The following PPARGC1A variants were observed in gnomAD, a reference collection of about 807,000 sequenced individuals.
PPARGC1A encodes PPARG coactivator 1 alpha.
A neutral mutation model predicts 88.7 loss-of-function variants in PPARGC1A; 25 were observed. That is an observed-to-expected ratio of 0.28 (90% CI 0.21 to 0.39). PPARGC1A has a LOEUF of 0.39. Ranked by LOEUF, PPARGC1A falls within the 10% of genes least tolerant of loss-of-function variation. The probability of loss-of-function intolerance (pLI) is 1.00; values close to 1 mark genes in which losing one functional copy is unlikely to be tolerated. For missense variants in PPARGC1A, 880 were observed against 968.7 expected, an observed-to-expected ratio of 0.91 and a Z score of 1.22; for synonymous variants, 363 against 355.6, an observed-to-expected ratio of 1.02 and a Z score of -0.24.
At chr4:24,203,700 A>G in the PPARGC1A span, among the ~76,000 whole-genome samples, 76 of 152,272 alleles carry the variant, frequency 5.0e-4, no homozygotes, top group South Asian at 6.2e-4. Flanking sequence ...AGGGCGAGGC[A>G]ATGATGAACC....
intron 2 of PPARGC1A, among the ~76,000 whole-genome samples, chr4:23,835,861 C>T (rs932975473): frequency 3.3e-5 from 5 of 152,074 alleles, no homozygotes; most frequent in East Asian, 1.9e-4. Flanking sequence ...TCAAACACCC[C>T]GGAGAAGGCA....
the PPARGC1A span, among the ~76,000 whole-genome samples, chr4:24,110,435 T>G: frequency 6.6e-6 from 1 of 152,280 alleles, no homozygotes; most frequent in African/African-American, 2.4e-5. Context: ...AATTTAGTGC[T>G]GTGGGACTTA....
chr4:23,879,399 GAT>G (rs1233938302), intron 2 of PPARGC1A, among the ~76,000 whole-genome samples: 1 of 152,194 alleles, frequency 6.6e-6, no homozygotes, highest in Non-Finnish European at 1.5e-5. Context: ...GCAGTGGAAA[GAT>G]AGAGGGCCCC....
the PPARGC1A span, among the ~76,000 whole-genome samples, chr4:24,053,936 C>T: frequency 6.6e-6 from 1 of 152,206 alleles, no homozygotes; most frequent in Non-Finnish European, 1.5e-5. Flanking sequence ...AACCAAACCT[C>T]TGGATGGAAT....
chr4:24,201,910 T>G, the PPARGC1A span, among the ~76,000 whole-genome samples: 1 of 151,954 alleles, frequency 6.6e-6, no homozygotes, highest in African/African-American at 2.4e-5. Context: ...ATATCATTTT[T>G]TTTTTTTTTG....
rs553082376 is a variant in PPARGC1A, at chr4:23,819,933, T to C, written c.877+4347A>G. 4.6e-5 allele frequency among the ~76,000 whole-genome samples: 7 copies of C among 152,254 alleles called. No individual in the cohort carries two copies. In the South Asian group the frequency reaches 1.5e-3, roughly 32 times the overall value. On this transcript the variant is annotated intron_variant, in intron 7 of 12. Transcript: ENST00000264867. ...ACCCATATTTTACTTTGGTCCACTT[T>C]CCCAAAGATATGTCACATACACAAG... is the stretch of plus-strand genomic sequence containing the variant.
chr4:23,817,535 C>A (rs1722201476), intron 7 of PPARGC1A, among the ~76,000 whole-genome samples: 1 of 152,062 alleles, frequency 6.6e-6, no homozygotes, highest in African/African-American at 2.4e-5. Context: ...TCTGCATATA[C>A]ACTTAAAATT....
At chr4:24,117,825 C>T in the PPARGC1A span, among the ~76,000 whole-genome samples, 3 of 152,096 alleles carry the variant, frequency 2.0e-5, no homozygotes, top group South Asian at 6.2e-4. Context: ...CTCATGTCCA[C>T]AGCAGTTTCG....
chr4:24,447,833 C>G, the PPARGC1A span, among the ~76,000 whole-genome samples: 1 of 152,182 alleles, frequency 6.6e-6, no homozygotes, highest in African/African-American at 2.4e-5. Flanking sequence ...TCCCACAGAA[C>G]AACAGGAGGC....
intron 3 of PPARGC1A, 59 bp from the exon 4 acceptor site, chr4:23,829,644 G>A (rs1186387938): frequency 6.8e-7 from 1 of 1,480,982 alleles, no homozygotes; most frequent in East Asian, 2.3e-5. Context: ...TTTAAGCATT[G>A]GAATAAGTTA....
the PPARGC1A span, among the ~76,000 whole-genome samples, chr4:24,006,770 C>T: frequency 6.6e-6 from 1 of 151,966 alleles, no homozygotes; most frequent in Non-Finnish European, 1.5e-5. Flanking sequence ...GCTAGATGTG[C>T]CTCAATTCAC....
intron 2 of PPARGC1A, chr4:23,881,378 C>G (rs112929465): frequency 4.6e-5 from 7 of 152,292 alleles, no homozygotes; most frequent in African/African-American, 1.7e-4. Flanking sequence ...GTTACTCAAC[C>G]AACATGTGCT....
the PPARGC1A span, among the ~76,000 whole-genome samples, chr4:24,465,719 C>T: frequency 6.6e-6 from 1 of 152,182 alleles, no homozygotes; most frequent in African/African-American, 2.4e-5. Flanking sequence ...CCCTCCGCTT[C>T]CCACAACTGT....
the PPARGC1A span, among the ~76,000 whole-genome samples, chr4:23,947,524 T>C: frequency 1.8e-3 from 270 of 151,772 alleles, 1 homozygote; most frequent in Non-Finnish European, 2.9e-3. Flanking sequence ...TGCATCTTCA[T>C]CCACCCCTCA....
the PPARGC1A span, among the ~76,000 whole-genome samples, chr4:23,958,136 T>C: frequency 1.3e-5 from 2 of 152,120 alleles, no homozygotes; most frequent in East Asian, 1.9e-4. Context: ...CTGTATGTAA[T>C]AAGTGCAAAT....
chr4:24,339,221 T>TTTCCTCAGAGCACACA, the PPARGC1A span, among the ~76,000 whole-genome samples: 1 of 55,238 alleles, frequency 1.8e-5, no homozygotes, highest in Non-Finnish European at 4.0e-5. Flanking sequence ...TGTATATATA[T>TTTCCTCAGAGCACACA]ATATATATAT....
the PPARGC1A span, among the ~76,000 whole-genome samples, chr4:24,253,954 A>G: frequency 0.31 from 47,333 of 152,178 alleles, 8,433 homozygotes; most frequent in Non-Finnish European, 0.4. Context: ...GATACCAATG[A>G]TGGACCAGTT....
intron 10 of PPARGC1A, among the ~76,000 whole-genome samples, chr4:23,806,404 T>C (rs1055374958): frequency 2.0e-5 from 3 of 152,166 alleles, no homozygotes. Context: ...GCTTAACATT[T>C]GCAGCCAATT....
At chr4:24,469,141 T>A in the PPARGC1A span, among the ~76,000 whole-genome samples, 3 of 152,244 alleles carry the variant, frequency 2.0e-5, no homozygotes, top group Non-Finnish European at 4.4e-5. Context: ...GGTAAAATCA[T>A]GAACAAGTCT....
Sources: gnomAD v4.1 joint callset for allele counts (sites outside exome capture counted in the v4.1 genomes callset) on GRCh38, gnomAD v4.1.1 for gene constraint, MANE v1.5 for transcripts, NCBI Gene and HGNC (gene_info 2026-07-23, HGNC 2026-07-21) for gene names.